Variants in PARP8 observed in about 807,000 individuals in gnomAD.
PARP8 encodes protein mono-ADP-ribosyltransferase PARP8.
PARP8 carries 51 observed loss-of-function variants against 124.1 expected under a neutral mutation model. That is an observed-to-expected ratio of 0.41 (90% CI 0.33 to 0.52). PARP8 has a LOEUF of 0.52. Ranked by LOEUF, PARP8 falls within the 20% of genes least tolerant of loss-of-function variation. The probability of loss-of-function intolerance (pLI) is 0.21; values close to 1 mark genes in which losing one functional copy is unlikely to be tolerated. For synonymous variants in PARP8, 391 were observed against 361.5 expected, an observed-to-expected ratio of 1.08 and a Z score of -0.93; for missense variants, 860 against 1,018.9, an observed-to-expected ratio of 0.84 and a Z score of 2.12.
chr5:50,742,877 A>G (rs1247323025), intron 2 of PARP8, among the ~76,000 whole-genome samples: 2 of 152,202 alleles, frequency 1.3e-5, no homozygotes, highest in Non-Finnish European at 2.9e-5. Context: ...GGCGCTGCAC[A>G]TTGAAGGAGT....
chr5:50,788,188 T>C (rs1580343666), intron 9 of PARP8, among the ~76,000 whole-genome samples: 1 of 144,200 alleles, frequency 6.9e-6, no homozygotes, highest in South Asian at 2.2e-4. Context: ...TAATATATAA[T>C]ATATTAATGT....
rs778719932 is a variant in PARP8, at chr5:50,795,119, T to C, written c.1130T>C (p.Leu377Pro). 1.9e-6 allele frequency: 3 copies of C among 1,614,164 alleles called. No homozygotes were observed. Among genetic ancestry groups the C allele is most frequent in the Non-Finnish European group, 2.5e-6 (3 of 1,180,036 alleles). Residue 377 changes from leucine to proline, a missense_variant, in exon 12 of 26, where the codon CTA becomes CCA. This residue lies in a region of PARP8 where 517 missense variants were observed against 544.2 expected (regional missense o/e 0.95). Coordinates refer to ENST00000281631, the MANE Select transcript of PARP8 (RefSeq NM_024615.4). ...GCAGCTGTTAAGTCAGAGGAATGCCTAACTCTAAAGTCGCATAGACTATTG... is the reference window on the plus strand; with the variant it reads ...GCAGCTGTTAAGTCAGAGGAATGCCCAACTCTAAAGTCGCATAGACTATTG... ...CPAAVKSEEC[L>P]TLKSHRLLTR...
At chr5:50,817,445 A>C (rs998082873) in intron 15 of PARP8, among the ~76,000 whole-genome samples, 2 of 152,180 alleles carry the variant, frequency 1.3e-5, no homozygotes, top group African/African-American at 4.8e-5. Flanking sequence ...TTCTAAACAA[A>C]AAGAAACCAC....
intron 7 of PARP8, among the ~76,000 whole-genome samples, chr5:50,777,851 C>T (rs146659897): frequency 1.8e-3 from 279 of 152,052 alleles, no homozygotes; most frequent in African/African-American, 6.5e-3. Context: ...TATGCATGTG[C>T]GTGTACAAGA....
chr5:50,828,200 T>C, intron 20 of PARP8, 112 bp from the exon 21 acceptor site: 1 of 1,204,784 alleles, frequency 8.3e-7, no homozygotes. Context: ...TACATAATAC[T>C]TGATTTGGCA....
Position 50,789,327 on chromosome 5 carries a change from G to A in PARP8, c.737+738G>A, listed in dbSNP as rs541113417. Among the ~76,000 whole-genome samples the A allele has an allele frequency of 2.0e-5, 3 of 149,992 alleles. No homozygotes were observed. In the South Asian group the frequency reaches 6.2e-4, roughly 31 times the overall value. ...AAAAAATGCATCTTAGAAGTAAATA[G>A]AGAACACTGATAAATTACAGACACA... On this transcript the variant is annotated intron_variant, in intron 10 of 25. Transcript: ENST00000281631.
chr5:50,811,112 G>A (rs543395423), intron 14 of PARP8, among the ~76,000 whole-genome samples: 6 of 152,130 alleles, frequency 3.9e-5, no homozygotes, highest in South Asian at 2.1e-4. Context: ...TTATTCACTT[G>A]AGTATGGAAG....
In PARP8 at chr5:50,716,537, G is replaced by A. The variant is rs566933875; in HGVS notation, c.147-33614G>A. On this transcript the variant is annotated intron_variant, in intron 2 of 25. Coordinates refer to ENST00000281631, the MANE Select transcript of PARP8 (RefSeq NM_024615.4). ...TATCATGCTGGCTCAGGTAGACTAG[G>A]CCCTTTTCTGTTGGAATCTCCTATT... Among the ~76,000 whole-genome samples, 8 of 152,148 alleles carry A rather than the reference G, an allele frequency of 5.3e-5. No individual in the cohort carries two copies. The South Asian group carries it at 1.5e-3, about 28-fold the overall frequency.
At chr5:50,709,317 C>G (rs1754479256) in intron 2 of PARP8, among the ~76,000 whole-genome samples, 1 of 151,894 alleles carries the variant, frequency 6.6e-6, no homozygotes, top group Admixed American at 6.6e-5. Flanking sequence ...TCCAAAGGCT[C>G]TTTTTAAATT....
chr5:50,796,965 T>TA lies in PARP8; in HGVS notation c.1429-16dup. 6.3e-7 allele frequency: 1 copy of TA among 1,598,844 alleles called. No individual in the cohort carries two copies. The highest frequency in any genetic ancestry group is 1.2e-5 in the South Asian group (1 of 86,890). ...ATTTAAAAAAATTATCATTTTTTTT[T>TA]ACTTTGCTTTTTATAGCCAAATGGT... On this transcript the variant is annotated splice_polypyrimidine_tract_variant and intron_variant, in intron 12 of 25. Coordinates refer to ENST00000281631, the MANE Select transcript of PARP8 (RefSeq NM_024615.4).
At chr5:50,811,589 T>C (rs1190964795) in intron 14 of PARP8, among the ~76,000 whole-genome samples, 2 of 151,446 alleles carry the variant, frequency 1.3e-5, no homozygotes, top group East Asian at 3.9e-4. Flanking sequence ...TTTATTTCCA[T>C]TGGGTGTTTT....
At chr5:50,753,022 A>G (rs558910860) in intron 3 of PARP8, among the ~76,000 whole-genome samples, 1 of 152,252 alleles carries the variant, frequency 6.6e-6, no homozygotes, top group African/African-American at 2.4e-5. Flanking sequence ...TAGCATGTAT[A>G]TAAATGAAAT....
rs184425950 is a variant in PARP8 at position 50,745,997 on chromosome 5, A to G, written c.147-4154A>G. On this transcript the variant is annotated intron_variant, in intron 2 of 25. Coordinates refer to ENST00000281631, the MANE Select transcript of PARP8 (RefSeq NM_024615.4). ...AAAGCTGCTCTATTGGCTGAGGTCC[A>G]ACATCTGCCATTTGTTCCTGCATTC... Among the ~76,000 whole-genome samples the G allele has an allele frequency of 9.2e-5, 14 of 152,334 alleles. No individual in the cohort carries two copies. The East Asian group carries it at 2.7e-3, about 29-fold the overall frequency.
chr5:50,844,203 T>G lies in PARP8; in HGVS notation c.*2135T>G, dbSNP rs1422159369. 5.9e-5 allele frequency: 9 copies of G among 151,778 alleles called. No individual in the cohort carries two copies. The highest frequency in any genetic ancestry group is 1.3e-4 in the Admixed American group (2 of 15,168). 9.4% of individuals were successfully genotyped at this position (151,778 alleles called of 1,614,324 possible). On this transcript the variant is annotated 3_prime_UTR_variant, in exon 26 of 26. Transcript: ENST00000281631. Reference sequence around the variant, plus strand: ...CTGAGGAAATTAAGTAGTTGATAGTTTAATGCTAGGCATCTTTTATGATAA... The same window carrying G: ...CTGAGGAAATTAAGTAGTTGATAGTGTAATGCTAGGCATCTTTTATGATAA...
intron 14 of PARP8, among the ~76,000 whole-genome samples, chr5:50,814,901 A>C (rs1744917678): frequency 6.6e-6 from 1 of 152,198 alleles, no homozygotes; most frequent in Non-Finnish European, 1.5e-5. Context: ...AGGTTATAGA[A>C]GTCAATAACC....
rs572335162 is a variant in PARP8, at chr5:50,828,297, C to T, written c.2091-15C>T. The T allele has an allele frequency of 1.6e-5, 25 of 1,609,742 alleles. No individual in the cohort carries two copies. The highest frequency in any genetic ancestry group is 4.5e-5 in the East Asian group (2 of 44,818). ...TTTTCTGGTTTTGCTTTTTCCTTTC[C>T]GTCTGTTTTTTTAGTGGCTCACACA... On this transcript the variant is annotated splice_polypyrimidine_tract_variant and intron_variant, in intron 20 of 25. Transcript: ENST00000281631.
intron 23 of PARP8, chr5:50,833,511 T>TG: frequency 2.9e-6 from 1 of 347,366 alleles, no homozygotes; most frequent in East Asian, 7.9e-5. Flanking sequence ...ATCTAATATC[T>TG]GAAAAAAAAA....
chr5:50,812,805 T>C (rs1744613906), intron 14 of PARP8, among the ~76,000 whole-genome samples: 1 of 152,192 alleles, frequency 6.6e-6, no homozygotes, highest in African/African-American at 2.4e-5. Context: ...TTCAGCTTTC[T>C]AAATATGGCT....
intron 1 of PARP8, 195 bp from the exon 2 acceptor site, chr5:50,667,876 G>C (rs1561217566): frequency 6.8e-7 from 1 of 1,474,474 alleles, no homozygotes; most frequent in East Asian, 2.5e-5. Flanking sequence ...TGCGGGGGGC[G>C]GCCTCCCGCT....
Sources: allele counts gnomAD v4.1 joint callset (sites outside exome capture counted in the v4.1 genomes callset), GRCh38; gene constraint gnomAD v4.1.1; regional missense constraint gnomAD v4.1.1; transcripts MANE v1.5; gene names NCBI Gene and HGNC (gene_info 2026-07-23, HGNC 2026-07-21).